Variants in OGA observed in about 807,000 individuals in gnomAD.
The protein encoded by OGA is protein O-GlcNAcase.
OGA carries 21 observed loss-of-function variants against 102.0 expected under a neutral mutation model. The ratio of observed to expected loss-of-function variants is 0.21; its 90% CI spans 0.15 to 0.30. The LOEUF (loss-of-function observed/expected upper bound fraction) is 0.30, where lower values mean the gene tolerates loss of function less well. Ranked by LOEUF, OGA falls within the 10% of genes least tolerant of loss-of-function variation. The pLI, the probability that OGA is intolerant of heterozygous loss-of-function variation, is 1.00. For missense variants in OGA, 765 were observed against 1,107.8 expected, an observed-to-expected ratio of 0.69 and a Z score of 4.39; for synonymous variants, 408 against 378.2, an observed-to-expected ratio of 1.08 and a Z score of -0.91.
intron 10 of OGA, 54 bp from the exon 11 acceptor site, chr10:101,794,052 G>T: frequency 7.7e-7 from 1 of 1,295,200 alleles, no homozygotes; most frequent in Non-Finnish European, 1.1e-6. Context: ...ATTTCCTGGG[G>T]TCTCAAATGT....
At chr10:101,817,457 C>A (rs947636361) in intron 1 of OGA, among the ~76,000 whole-genome samples, 13 of 152,166 alleles carry the variant, frequency 8.5e-5, no homozygotes, top group African/African-American at 1.2e-4. Flanking sequence ...GTGACAGAAG[C>A]ACTACACATA....
chr10:101,787,756 C>T (rs533725684), intron 14 of OGA: 13 of 466,858 alleles, frequency 2.8e-5, no homozygotes, highest in East Asian at 1.0e-4. Flanking sequence ...CTCGCGTGCA[C>T]GCGCTCTCTC....
intron 4 of OGA, among the ~76,000 whole-genome samples, chr10:101,809,420 T>A (rs1318957721): frequency 1.3e-5 from 2 of 152,126 alleles, no homozygotes; most frequent in Non-Finnish European, 2.9e-5. Flanking sequence ...TATTCCTCTA[T>A]CAGAAGGATT....
chr10:101,816,452 C>G (rs2065625945), intron 1 of OGA, among the ~76,000 whole-genome samples: 1 of 152,196 alleles, frequency 6.6e-6, no homozygotes, highest in Non-Finnish European at 1.5e-5. Flanking sequence ...AATGAGTTTT[C>G]TCCTTTTATA....
chr10:101,811,630 G>C (rs970059707), intron 3 of OGA, among the ~76,000 whole-genome samples: 2 of 151,830 alleles, frequency 1.3e-5, no homozygotes, highest in East Asian at 3.9e-4. Flanking sequence ...TTGAGCCGGG[G>C]AGATCAAAAT....
chr10:101,812,639 T>C (rs1278366122), intron 3 of OGA, among the ~76,000 whole-genome samples: 1 of 152,238 alleles, frequency 6.6e-6, no homozygotes, highest in Non-Finnish European at 1.5e-5. Flanking sequence ...GCATAAAATA[T>C]TATTTATGTT....
chr10:101,793,632 G>T, intron 11 of OGA: 1 of 273,200 alleles, frequency 3.7e-6, no homozygotes. Flanking sequence ...TGTGCATTGC[G>T]GGCGCAGATT....
At position 101,791,107 on chromosome 10, in the gene OGA, G is replaced by A. The variant is rs1257385556; in HGVS notation, c.2262-19C>T. 6.3e-6 allele frequency: 10 copies of A among 1,579,452 alleles called. No homozygotes were observed. In the African/African-American group the frequency reaches 9.6e-5, roughly 15 times the overall value. On this transcript the variant is annotated intron_variant, in intron 13 of 15. Coordinates refer to ENST00000361464, the MANE Select transcript of OGA (RefSeq NM_012215.5). ...TACTAACCTGCTCAGAAGGAAAGAG[G>A]CCACAGTAAACTTTTCAGTTGCTAA...
intron 7 of OGA, among the ~76,000 whole-genome samples, chr10:101,801,309 T>TTTC (rs760334040): frequency 6.6e-6 from 1 of 151,722 alleles, no homozygotes; most frequent in Non-Finnish European, 1.5e-5. Context: ...GGAGAACTGC[T>TTTC]TGAACCCAGG....
At chr10:101,791,852 A>G (rs2135033422) in intron 12 of OGA, among the ~76,000 whole-genome samples, 1 of 147,084 alleles carries the variant, frequency 6.8e-6, no homozygotes, top group East Asian at 2.0e-4. Flanking sequence ...TTTTTTTGAG[A>G]CGGAGTCTCT....
At chr10:101,788,421 G>GAA (rs767434249) in intron 14 of OGA, among the ~76,000 whole-genome samples, 32 of 102,250 alleles carry the variant, frequency 3.1e-4, no homozygotes, top group African/African-American at 7.2e-4. Context: ...CCTGGGCGGG[G>GAA]AAAAAAAAAA....
chr10:101,814,184 C>G, intron 1 of OGA, among the ~76,000 whole-genome samples: 1 of 152,096 alleles, frequency 6.6e-6, no homozygotes, highest in African/African-American at 2.4e-5. Context: ...CAAAAATTAG[C>G]CAGGTATGGT....
chr10:101,803,320 G>C (rs1358115666), intron 7 of OGA, among the ~76,000 whole-genome samples: 3 of 151,664 alleles, frequency 2.0e-5, no homozygotes, highest in Non-Finnish European at 4.4e-5. Flanking sequence ...GTCTCCTCTA[G>C]TACTCAGACT....
At chr10:101,804,088 T>G (rs2065434282) in intron 6 of OGA, 69 bp from the exon 7 acceptor site, 1 of 1,423,488 alleles carries the variant, frequency 7.0e-7, no homozygotes, top group African/African-American at 1.4e-5. Context: ...CTCATAACTG[T>G]AATCCCAGCA....
rs376167260 is a variant in OGA at position 101,818,104 on chromosome 10, G to C, written c.-82C>G. The stretch of plus-strand genomic sequence containing the variant: ...GGGCACCGGCCCGGAGCCCTGGAGA[G>C]GGCTTCAGCTCCAAGTGTGCGCCCC... On this transcript the variant is annotated 5_prime_UTR_variant, in exon 1 of 16. Coordinates refer to ENST00000361464, the MANE Select transcript of OGA (RefSeq NM_012215.5). The C allele has an allele frequency of 2.1e-6, 3 of 1,432,472 alleles. No individual in the cohort carries two copies. Among genetic ancestry groups the C allele is most frequent in the African/African-American group, 1.5e-5 (1 of 67,800 alleles). 88.7% of individuals were successfully genotyped at this position (1,432,472 alleles called of 1,614,324 possible).
At position 101,786,397 on chromosome 10, in the gene OGA, C is replaced by T; in HGVS notation, c.*54G>A. On this transcript the variant is annotated 3_prime_UTR_variant, in exon 16 of 16. Transcript: ENST00000361464. ...TGAACTGTATGAAGACCTCAACTAC[C>T]ATTCACAAGGTGCAGTTAAGAGACT... is the stretch of plus-strand genomic sequence containing the variant. 2.7e-6 allele frequency: 4 copies of T among 1,499,416 alleles called. No individual in the cohort carries two copies. The highest frequency in any genetic ancestry group is 2.7e-6 in the Non-Finnish European group (3 of 1,124,168). 92.9% of individuals were successfully genotyped at this position (1,499,416 alleles called of 1,614,324 possible).
intron 10 of OGA, among the ~76,000 whole-genome samples, chr10:101,796,290 C>T (rs1231752213): frequency 6.6e-6 from 1 of 152,126 alleles, no homozygotes; most frequent in Non-Finnish European, 1.5e-5. Flanking sequence ...AAGATGAAGT[C>T]TCGCTCTGTC....
intron 10 of OGA, among the ~76,000 whole-genome samples, chr10:101,796,153 A>G (rs545351017): frequency 7.0e-4 from 107 of 152,356 alleles, no homozygotes; most frequent in South Asian, 1.2e-3. Context: ...AGAATGAATT[A>G]TAAGAACCTG....
At chr10:101,791,138 A>G in intron 13 of OGA, 50 bp from the exon 14 acceptor site, 1 of 1,541,186 alleles carries the variant, frequency 6.5e-7, no homozygotes, top group African/African-American at 1.4e-5. Flanking sequence ...GCTAATATAA[A>G]ATTCAGACTT....
Sources: allele counts gnomAD v4.1 joint callset (sites outside exome capture counted in the v4.1 genomes callset), GRCh38; gene constraint gnomAD v4.1.1; transcripts MANE v1.5; gene names NCBI Gene and HGNC (gene_info 2026-07-23, HGNC 2026-07-21).